PTPRZ1: variants seen among roughly 807,000 people sequenced by gnomAD.
PTPRZ1 encodes the protein receptor-type tyrosine-protein phosphatase zeta.
Under a neutral mutation model 214.1 loss-of-function variants are expected in PTPRZ1, and 82 were observed. The ratio of observed to expected loss-of-function variants is 0.38; its 90% confidence interval spans 0.32 to 0.46. The LOEUF is 0.46. Ranked by LOEUF, PTPRZ1 falls within the 20% of genes least tolerant of loss-of-function variation. PTPRZ1 has a pLI of 1.00. For missense variants in PTPRZ1, 2,603 were observed against 2,748.7 expected (o/e 0.95, Z 1.19); for synonymous variants, 945 against 987.9 (o/e 0.96, Z 0.81).
intron 20 of PTPRZ1, among the ~76,000 whole-genome samples, chr7:122,039,986 A>C: frequency 6.6e-6 from 1 of 151,978 alleles, no homozygotes; most frequent in East Asian, 1.9e-4. Flanking sequence ...TGTCAAAAAA[A>C]AAAGAAAAGA....
At chr7:122,021,176 T>G (rs1158942828) in intron 13 of PTPRZ1, among the ~76,000 whole-genome samples, 1 of 152,176 alleles carries the variant, frequency 6.6e-6, no homozygotes, top group Non-Finnish European at 1.5e-5. Context: ...CGTTTCTTAA[T>G]CTGTGTTACT....
intron 27 of PTPRZ1, among the ~76,000 whole-genome samples, chr7:122,057,307 G>C (rs1278201043): frequency 1.3e-5 from 2 of 151,820 alleles, no homozygotes; most frequent in Non-Finnish European, 2.9e-5. Context: ...GGCATCTCTT[G>C]TTGGTTTTAA....
chr7:121,932,366 G>A (rs544953322), intron 2 of PTPRZ1, among the ~76,000 whole-genome samples: 4 of 152,120 alleles, frequency 2.6e-5, no homozygotes, highest in Middle Eastern at 3.4e-3. Context: ...GAAAATGAAC[G>A]ACTATGCTAA....
intron 2 of PTPRZ1, among the ~76,000 whole-genome samples, chr7:121,943,270 C>T (rs1389238795): frequency 6.6e-6 from 1 of 152,068 alleles, no homozygotes. Flanking sequence ...CTTTTTTTGA[C>T]AGTGAAATTG....
intron 13 of PTPRZ1, among the ~76,000 whole-genome samples, chr7:122,025,491 G>A (rs753357005): frequency 2.6e-5 from 4 of 151,554 alleles, no homozygotes; most frequent in Non-Finnish European, 4.4e-5. Flanking sequence ...CACCATGCCC[G>A]GCTAATTTTT....
chr7:122,024,503 G>A (rs1799149448), intron 13 of PTPRZ1, among the ~76,000 whole-genome samples: 1 of 152,054 alleles, frequency 6.6e-6, no homozygotes, highest in Non-Finnish European at 1.5e-5. Flanking sequence ...TGCCTTTTAA[G>A]TGTAGTGTCA....
chr7:121,978,272 G>C (rs1176928688), intron 6 of PTPRZ1, among the ~76,000 whole-genome samples: 1 of 152,106 alleles, frequency 6.6e-6, no homozygotes, highest in Non-Finnish European at 1.5e-5. Flanking sequence ...ACAGTTCTTG[G>C]ATTAGCTGAG....
chr7:121,927,082 T>C (rs1244157205), intron 1 of PTPRZ1, among the ~76,000 whole-genome samples: 1 of 152,164 alleles, frequency 6.6e-6, no homozygotes, highest in Non-Finnish European at 1.5e-5. Flanking sequence ...AATTCTGAAA[T>C]GTCCTTGAGA....
At chr7:122,042,019 G>T (rs1799746736) in intron 21 of PTPRZ1, among the ~76,000 whole-genome samples, 1 of 152,192 alleles carries the variant, frequency 6.6e-6, no homozygotes, top group Non-Finnish European at 1.5e-5. Flanking sequence ...CCCTGTCCGT[G>T]AATTCTGTCC....
intron 1 of PTPRZ1, among the ~76,000 whole-genome samples, chr7:121,926,033 A>G (rs1042057505): frequency 1.3e-5 from 2 of 152,194 alleles, no homozygotes; most frequent in African/African-American, 4.8e-5. Flanking sequence ...AGCCGGGCAC[A>G]GTGGCTCACG....
intron 1 of PTPRZ1, among the ~76,000 whole-genome samples, chr7:121,923,699 TG>T (rs11398058): frequency 1.3e-5 from 2 of 151,146 alleles, no homozygotes; most frequent in Non-Finnish European, 3.0e-5. Flanking sequence ...TTTAACTTGG[TG>T]GGGGGGTGGT....
intron 13 of PTPRZ1, among the ~76,000 whole-genome samples, chr7:122,022,670 G>A (rs1014878971): frequency 2.6e-5 from 4 of 152,008 alleles, no homozygotes; most frequent in African/African-American, 9.7e-5. Flanking sequence ...TTTTGATGAG[G>A]CCAAATTCAT....
At chr7:121,925,966 G>T (rs975491445) in intron 1 of PTPRZ1, among the ~76,000 whole-genome samples, 1 of 152,062 alleles carries the variant, frequency 6.6e-6, no homozygotes, top group African/African-American at 2.4e-5. Flanking sequence ...GGATTATAAA[G>T]TTACCAAGTG....
At chr7:121,916,210 G>A (rs1054497938) in intron 1 of PTPRZ1, among the ~76,000 whole-genome samples, 4 of 148,784 alleles carry the variant, frequency 2.7e-5, no homozygotes, top group African/African-American at 1.0e-4. Context: ...GGAGCCGGAG[G>A]TTGCAGTGAG....
At position 122,011,460 on chromosome 7, in the gene PTPRZ1, T is replaced by G; in HGVS notation, c.2414T>G (p.Val805Gly). 1 of 1,614,168 alleles carries G rather than the reference T, an allele frequency of 6.2e-7. No individual in the cohort carries two copies. The highest frequency in any genetic ancestry group is 8.5e-7 in the Non-Finnish European group (1 of 1,180,008). Residue 805 changes from valine (V) to glycine (G), a missense_variant, in exon 12 of 30, where the codon GTG (valine) becomes GGG (glycine). Val to Gly is a moderately radical substitution (Grantham distance 109, BLOSUM62 -3). Around this residue, in one of 6 missense-constraint regions of PTPRZ1, gnomAD observed 1,913 missense variants for 1,914.3 expected, o/e 1.00. Coordinates refer to ENST00000393386, the MANE Select transcript of PTPRZ1 (RefSeq NM_002851.3). ...ACGCCTGTATTTCCCAGTGTCGATG[T>G]GTCATTTGAATCCATCCTGTCTTCC... ...HATPVFPSVD[V>G]SFESILSSYD...
At position 122,044,536 on chromosome 7, in the gene PTPRZ1, G is replaced by A; in HGVS notation, c.6052G>A (p.Ala2018Thr). 2 of 1,613,784 alleles carry A rather than the reference G, an allele frequency of 1.2e-6. No individual in the cohort carries two copies. Among genetic ancestry groups the A allele is most frequent in the Non-Finnish European group, 1.7e-6 (2 of 1,179,778 alleles). ...YVNALLIPGPAGKTKLEKQFQ... is the reference protein window; with the variant it reads ...YVNALLIPGPTGKTKLEKQFQ... ...TAATGCACTCCTCATTCCTGGACCAGCAGGCAAAACAAAGCTAGAGAAACA... is the reference window on the plus strand; with the variant it reads ...TAATGCACTCCTCATTCCTGGACCAACAGGCAAAACAAAGCTAGAGAAACA... Residue 2018 changes from alanine to threonine, a missense_variant, in exon 23 of 30, where the codon GCA becomes ACA. By Grantham distance (58) the Ala-to-Thr change is moderately conservative. Around this residue, in one of 6 missense-constraint regions of PTPRZ1, gnomAD observed 1,913 missense variants for 1,914.3 expected, o/e 1.00. Transcript: ENST00000393386.
intron 2 of PTPRZ1, among the ~76,000 whole-genome samples, chr7:121,948,997 G>T (rs1796470347): frequency 6.6e-6 from 1 of 152,088 alleles, no homozygotes; most frequent in Non-Finnish European, 1.5e-5. Context: ...CCATAACACA[G>T]CCTCAGGAGG....
chr7:121,969,426 G>A (rs1051603918), intron 3 of PTPRZ1, among the ~76,000 whole-genome samples: 4 of 151,960 alleles, frequency 2.6e-5, no homozygotes, highest in African/African-American at 9.7e-5. Context: ...GCCAGGCATG[G>A]TGGTGCATGC....
chr7:122,020,065 A>G (rs1798969954), intron 13 of PTPRZ1, among the ~76,000 whole-genome samples: 1 of 152,226 alleles, frequency 6.6e-6, no homozygotes, highest in South Asian at 2.1e-4. Context: ...TTTATTTTAA[A>G]AAAGAATTTT....
Sources: allele counts gnomAD v4.1 joint callset (sites outside exome capture counted in the v4.1 genomes callset), GRCh38; gene constraint gnomAD v4.1.1; regional missense constraint gnomAD v4.1.1; transcripts MANE v1.5; gene names NCBI Gene and HGNC (gene_info 2026-07-23, HGNC 2026-07-21).